The following PLSCR2 variants were observed in gnomAD, a reference collection of about 807,000 sequenced individuals.
The protein encoded by PLSCR2 is phospholipid scramblase 2.
Under a neutral mutation model 25.3 loss-of-function variants are expected in PLSCR2, and 18 were observed. That is an observed-to-expected ratio of 0.71 (90% CI 0.49 to 1.06). The LOEUF is 1.06. Among genes scored for constraint, PLSCR2 ranks in the 50% least tolerant of loss-of-function variants. The probability of loss-of-function intolerance (pLI) is 0.00; values close to 1 mark genes in which losing one functional copy is unlikely to be tolerated. For missense variants in PLSCR2, 243 were observed against 269.5 expected (o/e 0.90, Z 0.69); for synonymous variants, 88 against 87.3 (o/e 1.01, Z -0.04).
intron 1 of PLSCR2, among the ~76,000 whole-genome samples, chr3:146,492,505 C>T (rs893213999): frequency 1.4e-4 from 22 of 152,016 alleles, no homozygotes; most frequent in African/African-American, 5.3e-4. Flanking sequence ...TATATCCAAA[C>T]CATACAATTA....
At chr3:146,395,195 A>G (rs2038232274) in intron 3 of PLSCR2, among the ~76,000 whole-genome samples, 1 of 152,234 alleles carries the variant, frequency 6.6e-6, no homozygotes, top group East Asian at 1.9e-4. Context: ...TTAAGAGCAA[A>G]TAAAACGCTA....
intron 1 of PLSCR2, among the ~76,000 whole-genome samples, chr3:146,476,660 A>C (rs2042295076): frequency 6.6e-6 from 1 of 152,226 alleles, no homozygotes; most frequent in Admixed American, 6.5e-5. Flanking sequence ...CTACAGCTCC[A>C]GCCCACTGTA....
chr3:146,447,814 A>T (rs1051079994), intron 6 of PLSCR2, among the ~76,000 whole-genome samples: 11 of 151,876 alleles, frequency 7.2e-5, no homozygotes, highest in African/African-American at 2.7e-4. Flanking sequence ...TTTATTTAGA[A>T]CCCCAGAGCA....
At chr3:146,398,458 A>C (rs2038346478) in intron 2 of PLSCR2, among the ~76,000 whole-genome samples, 1 of 151,686 alleles carries the variant, frequency 6.6e-6, no homozygotes, top group African/African-American at 2.4e-5. Flanking sequence ...AACTTGCCTT[A>C]TAAGCTACAT....
At chr3:146,486,443 A>G (rs946516810) in intron 1 of PLSCR2, among the ~76,000 whole-genome samples, 1 of 151,856 alleles carries the variant, frequency 6.6e-6, no homozygotes, top group Admixed American at 6.6e-5. Context: ...AAAGAAGAAA[A>G]GAGAGAAGAA....
At chr3:146,417,559 T>C (rs1445317540) in intron 2 of PLSCR2, among the ~76,000 whole-genome samples, 1 of 152,136 alleles carries the variant, frequency 6.6e-6, no homozygotes, top group East Asian at 1.9e-4. Context: ...CTTAAGTTAC[T>C]ATTATTATTA....
At chr3:146,446,022 A>C (rs558668067) in intron 6 of PLSCR2, among the ~76,000 whole-genome samples, 1 of 152,098 alleles carries the variant, frequency 6.6e-6, no homozygotes, top group Non-Finnish European at 1.5e-5. Flanking sequence ...TATCTGTTAA[A>C]GTTATCGGAT....
At chr3:146,421,207 T>C (rs796485398) in intron 2 of PLSCR2, among the ~76,000 whole-genome samples, 4 of 152,208 alleles carry the variant, frequency 2.6e-5, no homozygotes, top group African/African-American at 9.6e-5. Context: ...GCATCTATGT[T>C]GTTTATTTCT....
At chr3:146,407,301 G>A (rs1249224915) in intron 2 of PLSCR2, among the ~76,000 whole-genome samples, 2 of 152,150 alleles carry the variant, frequency 1.3e-5, no homozygotes, top group African/African-American at 2.4e-5. Context: ...AGCCTATGTC[G>A]AGGGATGATT....
chr3:146,477,561 T>A (rs963919481), intron 1 of PLSCR2, among the ~76,000 whole-genome samples: 1 of 152,208 alleles, frequency 6.6e-6, no homozygotes, highest in African/African-American at 2.4e-5. Flanking sequence ...GAGGCTTGAC[T>A]AGGTAAACAA....
At chr3:146,407,601 G>C (rs188778835) in intron 2 of PLSCR2, among the ~76,000 whole-genome samples, 4 of 152,256 alleles carry the variant, frequency 2.6e-5, no homozygotes. Context: ...CTTTGTTTTT[G>C]ATTGCCTTTC....
chr3:146,469,786 C>G lies in PLSCR2; in HGVS notation c.-292-9502G>C, dbSNP rs1258453805. ...TGGGGGCGCGACTGCACCCACCCCC[C>G]CACGCCGTGTGCGACGCGCAGCTGC... On this transcript the variant is annotated intron_variant, in intron 1 of 8. Transcript: ENST00000336685. 6.9e-5 allele frequency among the ~76,000 whole-genome samples: 8 copies of G among 115,898 alleles called. No homozygotes were observed. The South Asian group carries it at 1.6e-3, about 23-fold the overall frequency. The allele number at this position is 115,898 out of a possible 152,430, so 76.0% of individuals were successfully genotyped here.
At chr3:146,448,183 GCT>G (rs745982411) in intron 6 of PLSCR2, among the ~76,000 whole-genome samples, 135 of 152,222 alleles carry the variant, frequency 8.9e-4, no homozygotes, top group Non-Finnish European at 9.3e-4. Flanking sequence ...TTATGAAATT[GCT>G]TTCTGTTGTG....
At chr3:146,431,841 G>A (rs1330695785), downstream of PLSCR2, among the ~76,000 whole-genome samples, 2 of 149,700 alleles carry the variant, frequency 1.3e-5, no homozygotes, top group Non-Finnish European at 3.0e-5. Context: ...TTTACCACAA[G>A]GACAGGCAAG....
chr3:146,428,448 A>G (rs1392065999), downstream of PLSCR2, among the ~76,000 whole-genome samples: 2 of 152,332 alleles, frequency 1.3e-5, no homozygotes, highest in African/African-American at 2.4e-5. Context: ...TCCAAATTAG[A>G]TAAATTTATA....
At chr3:146,493,783 GTTTTTTTTT>G (rs34986699) in intron 1 of PLSCR2, among the ~76,000 whole-genome samples, 60 of 54,802 alleles carry the variant, frequency 1.1e-3, no homozygotes, top group Non-Finnish European at 1.8e-3. Flanking sequence ...CCAAGGTGGC[GTTTTTTTTT>G]TTTTTTTTTT....
At chr3:146,396,022 T>C (rs1300525267) in intron 2 of PLSCR2, 1 of 201,454 alleles carries the variant, frequency 5.0e-6, no homozygotes, top group African/African-American at 2.4e-5. Flanking sequence ...GTTATAATCA[T>C]ACTGATTGTA....
chr3:146,441,542 A>G (rs1289834140), downstream of PLSCR2, among the ~76,000 whole-genome samples: 3 of 151,960 alleles, frequency 2.0e-5, no homozygotes, highest in Non-Finnish European at 2.9e-5. Flanking sequence ...ATATACAATG[A>G]ATAATCTAAT....
upstream of PLSCR2, among the ~76,000 whole-genome samples, chr3:146,464,232 T>C (rs575783523): frequency 1.3e-5 from 2 of 152,268 alleles, no homozygotes; most frequent in South Asian, 4.1e-4. Flanking sequence ...CTAACTAGGG[T>C]AGACCACTAG....
Sources: allele counts gnomAD v4.1 joint callset (sites outside exome capture counted in the v4.1 genomes callset), GRCh38; gene constraint gnomAD v4.1.1; transcripts MANE v1.5; gene names NCBI Gene and HGNC (gene_info 2026-07-23, HGNC 2026-07-21).